MGAT3: variants seen among roughly 807,000 people sequenced by gnomAD.
MGAT3 encodes the protein GlcNAc-T III.
A neutral mutation model predicts 29.8 loss-of-function variants in MGAT3; 9 were observed. The observed-to-expected ratio is 0.30, with a 90% confidence interval of 0.18 to 0.53. The LOEUF is 0.53. Ranked by LOEUF, MGAT3 falls within the 20% of genes least tolerant of loss-of-function variation. MGAT3 has a pLI of 0.96. For synonymous variants in MGAT3, 397 were observed against 348.9 expected, an observed-to-expected ratio of 1.14 and a Z score of -1.54; for missense variants, 557 against 769.5, an observed-to-expected ratio of 0.72 and a Z score of 3.27.
At position 39,488,394 on chromosome 22, in the gene MGAT3, C is replaced by T. The variant is rs1451258733; in HGVS notation, c.1047C>T (p.Tyr349=). The T allele has an allele frequency of 1.9e-6, 3 of 1,612,908 alleles. No individual in the cohort carries two copies. Among genetic ancestry groups the T allele is most frequent in the African/African-American group, 1.3e-5 (1 of 75,062 alleles). The stretch of plus-strand genomic sequence containing the variant: ...CCTTCCACATGCGCAAGTCGCTCTA[C>T]GGCTTCTTCTGGAAGCAGCCGGGCA... The part of the protein sequence containing the change: ...PFAFHMRKSL[Y]GFFWKQPGTL... The change falls in exon 2 of 2, where the codon TAC becomes TAT. Residue 349 remains tyrosine (Y), a synonymous_variant. Coordinates refer to ENST00000341184, the MANE Select transcript of MGAT3 (RefSeq NM_002409.5).
At chr22:39,459,753 C>A (rs1928445704) in intron 1 of MGAT3, among the ~76,000 whole-genome samples, 2 of 152,354 alleles carry the variant, frequency 1.3e-5, no homozygotes, top group South Asian at 4.1e-4. Flanking sequence ...CAGGTGTGAT[C>A]AAATGGGGGA....
intron 1 of MGAT3, among the ~76,000 whole-genome samples, chr22:39,465,844 G>A (rs567251987): frequency 1.3e-5 from 2 of 151,486 alleles, no homozygotes; most frequent in African/African-American, 2.4e-5. Flanking sequence ...AGGCAGGAGA[G>A]TCACTTGAAC....
Position 39,487,063 on chromosome 22 carries a change from G to A in MGAT3, c.-1-284G>A, listed in dbSNP as rs1337907179. On this transcript the variant is annotated intron_variant, in intron 1 of 1. Transcript: ENST00000341184. The surrounding 1 kb of genome is among the most constrained non-coding windows in gnomAD (Gnocchi z 5.7). ...AGCAGTGCAGCCGCACAGTCAGGGT[G>A]GGGTGGGCCAGGCGGAGAAGCAGGC... is the stretch of plus-strand genomic sequence containing the variant. Among the ~76,000 whole-genome samples, 1 of 152,182 alleles carries A rather than the reference G, an allele frequency of 6.6e-6. No individual in the cohort carries two copies. The highest frequency in any genetic ancestry group is 2.4e-5 in the African/African-American group (1 of 41,434).
chr22:39,488,533 G>A lies in MGAT3; in HGVS notation c.1186G>A (p.Glu396Lys). 1.9e-6 allele frequency: 3 copies of A among 1,613,274 alleles called. No individual in the cohort carries two copies. The highest frequency in any genetic ancestry group is 2.5e-6 in the Non-Finnish European group (3 of 1,180,022). Reference sequence around the variant, plus strand: ...CACCATGCCCAACTTCAGACAGTATGAGAACCGCACCGGCCACATCCTGGT... The same window carrying A: ...CACCATGCCCAACTTCAGACAGTATAAGAACCGCACCGGCCACATCCTGGT... Reference protein sequence around the residue: ...YYTMPNFRQYENRTGHILVQW... With the variant: ...YYTMPNFRQYKNRTGHILVQW... The change falls in exon 2 of 2, where the codon GAG (glutamate) becomes AAG (lysine). Residue 396 changes from glutamate (E) to lysine (K), a missense_variant. Around this residue, in one of 3 missense-constraint regions of MGAT3, gnomAD observed 243 missense variants for 444.0 expected, o/e 0.55. Transcript: ENST00000341184.
chr22:39,475,617 T>G (rs967867402), intron 1 of MGAT3, among the ~76,000 whole-genome samples: 1 of 152,172 alleles, frequency 6.6e-6, no homozygotes. Context: ...TCACGGGCCG[T>G]CTCTCAGGCT....
At chr22:39,467,009 CA>C (rs1928667214) in intron 1 of MGAT3, among the ~76,000 whole-genome samples, 1 of 152,222 alleles carries the variant, frequency 6.6e-6, no homozygotes, top group Non-Finnish European at 1.5e-5. Flanking sequence ...AGCTAGGTGG[CA>C]GGGGCACAGC....
In MGAT3 at chr22:39,490,671, T is replaced by C. The variant is rs966040889; in HGVS notation, c.*1722T>C. ...CTCAGACGCTACCCAATGATGCCGGTTTGCAGAGTTGGCCTGTGGAATGGC... is the reference window on the plus strand; with the variant it reads ...CTCAGACGCTACCCAATGATGCCGGCTTGCAGAGTTGGCCTGTGGAATGGC... On this transcript the variant is annotated 3_prime_UTR_variant, in exon 2 of 2. Transcript: ENST00000341184. The C allele has an allele frequency of 1.2e-5, 2 of 167,242 alleles. No individual in the cohort carries two copies. Among genetic ancestry groups the C allele is most frequent in the African/African-American group, 4.8e-5 (2 of 41,426 alleles). The allele number at this position is 167,242 out of a possible 1,614,324, so 10.4% of individuals were successfully genotyped here.
rs1306675968 is a variant in MGAT3 at position 39,492,162 on chromosome 22, ATAT to A, written c.*3216_*3218del. ...AAAGGGATGCTTAAAGGAGAAGATA[ATAT>A]TAATAATAAAAACAGCTACAAAGTC... is the stretch of plus-strand genomic sequence containing the variant. On this transcript the variant is annotated 3_prime_UTR_variant, in exon 2 of 2. Coordinates refer to ENST00000341184, the MANE Select transcript of MGAT3 (RefSeq NM_002409.5). 1 of 167,078 alleles carries A rather than the reference ATAT, an allele frequency of 6.0e-6. No individual in the cohort carries two copies. Among genetic ancestry groups the A allele is most frequent in the Non-Finnish European group, 1.5e-5 (1 of 68,090 alleles). The allele number at this position is 167,078 out of a possible 1,614,324, so 10.3% of individuals were successfully genotyped here. A position where few individuals can be genotyped will look rare whatever the true frequency, so the allele number is the denominator to read the frequency against.
intron 1 of MGAT3, among the ~76,000 whole-genome samples, chr22:39,486,621 C>T (rs1450919577): frequency 6.6e-6 from 1 of 152,188 alleles, no homozygotes; most frequent in Non-Finnish European, 1.5e-5. Flanking sequence ...CCACCTCAGC[C>T]TCCTAAGTAG....
chr22:39,461,229 T>A (rs942572595), intron 1 of MGAT3, among the ~76,000 whole-genome samples: 20 of 152,010 alleles, frequency 1.3e-4, no homozygotes, highest in African/African-American at 4.1e-4. Context: ...GCTTAATAGA[T>A]GATGGTTGAA....
intron 1 of MGAT3, among the ~76,000 whole-genome samples, chr22:39,471,880 G>T (rs1162192511): frequency 6.6e-6 from 1 of 152,148 alleles, no homozygotes; most frequent in Non-Finnish European, 1.5e-5. Context: ...TCCTCTCCAG[G>T]CTTAGGGGAT....
intron 1 of MGAT3, among the ~76,000 whole-genome samples, chr22:39,470,723 C>T (rs1928784876): frequency 6.6e-6 from 1 of 152,176 alleles, no homozygotes; most frequent in African/African-American, 2.4e-5. Context: ...CCGCACCCAG[C>T]TCAGAGGACT....
intron 1 of MGAT3, among the ~76,000 whole-genome samples, chr22:39,480,219 C>T (rs924060894): frequency 4.6e-5 from 7 of 152,146 alleles, no homozygotes; most frequent in African/African-American, 7.2e-5. Flanking sequence ...TGAATTTTAA[C>T]GAACTGAGTA....
At chr22:39,478,030 A>G (rs1929018761) in intron 1 of MGAT3, among the ~76,000 whole-genome samples, 2 of 152,226 alleles carry the variant, frequency 1.3e-5, no homozygotes, top group South Asian at 4.1e-4. Context: ...GCTGCTGTAC[A>G]TGGCAGGGAT....
chr22:39,482,332 G>A (rs1052070844), intron 1 of MGAT3, among the ~76,000 whole-genome samples: 3 of 152,120 alleles, frequency 2.0e-5, no homozygotes, highest in African/African-American at 7.2e-5. Context: ...ACCAACTGGG[G>A]CCCAGTTTGG....
intron 1 of MGAT3, among the ~76,000 whole-genome samples, chr22:39,470,426 A>G (rs1169957919): frequency 6.6e-6 from 1 of 152,144 alleles, no homozygotes; most frequent in East Asian, 1.9e-4. Flanking sequence ...AGCCTGGGGG[A>G]CAAGGGAGGC....
In MGAT3 at chr22:39,488,209, G is replaced by A; in HGVS notation, c.862G>A (p.Ala288Thr). 2 of 1,612,670 alleles carry A rather than the reference G, an allele frequency of 1.2e-6. No individual in the cohort carries two copies. Among genetic ancestry groups the A allele is most frequent in the South Asian group, 1.1e-5 (1 of 91,072 alleles). ...PPGGRQDGWI[A>T]DDYLRTFLTQ... ...CGGCGGCCGGCAGGACGGCTGGATC[G>A]CCGACGACTACCTGCGCACCTTCCT... The change falls in exon 2 of 2, where the codon GCC becomes ACC. Residue 288 changes from alanine to threonine, a missense_variant. Transcript: ENST00000341184.
At chr22:39,483,035 C>T (rs2145724690) in intron 1 of MGAT3, among the ~76,000 whole-genome samples, 1 of 152,348 alleles carries the variant, frequency 6.6e-6, no homozygotes, top group East Asian at 1.9e-4. Flanking sequence ...CAGGCTGTTT[C>T]CTTGCCTCTC....
At chr22:39,479,460 T>A (rs908807736) in intron 1 of MGAT3, among the ~76,000 whole-genome samples, 1 of 152,100 alleles carries the variant, frequency 6.6e-6, no homozygotes, top group African/African-American at 2.4e-5. Flanking sequence ...TCAGGAGGCG[T>A]GGCTTCCCAG....
Sources: gnomAD v4.1 joint callset for allele counts (sites outside exome capture counted in the v4.1 genomes callset) on GRCh38, gnomAD v4.1.1 for gene constraint, gnomAD v4.1.1 regional missense constraint, Gnocchi (gnomAD v3.1) non-coding constraint, MANE v1.5 for transcripts, NCBI Gene and HGNC (gene_info 2026-07-23, HGNC 2026-07-21) for gene names.